Variants in TENM4 observed in about 807,000 individuals in gnomAD.
TENM4 encodes teneurin transmembrane protein 4, also known as teneurin-4.
A neutral mutation model predicts 243.3 loss-of-function variants in TENM4; 82 were observed. The observed-to-expected ratio is 0.34, with a 90% CI of 0.28 to 0.40. TENM4 has a LOEUF of 0.40. Among genes scored for constraint, TENM4 ranks in the 10% least tolerant of loss-of-function variants. The probability of loss-of-function intolerance (pLI) is 1.00; values close to 1 mark genes in which losing one functional copy is unlikely to be tolerated. For synonymous variants in TENM4, 1,412 were observed against 1,456.3 expected, an observed-to-expected ratio of 0.97 and a Z score of 0.69; for missense variants, 3,138 against 3,673.3, an observed-to-expected ratio of 0.85 and a Z score of 3.77.
At chr11:78,823,328 T>C (rs1165082024) in intron 12 of TENM4, among the ~76,000 whole-genome samples, 1 of 152,164 alleles carries the variant, frequency 6.6e-6, no homozygotes, top group African/African-American at 2.4e-5. Flanking sequence ...CCACAGCTGA[T>C]TGGACCCGGC....
At chr11:78,964,164 T>G (rs960418999) in intron 6 of TENM4, among the ~76,000 whole-genome samples, 16 of 151,126 alleles carry the variant, frequency 1.1e-4, no homozygotes, top group Admixed American at 2.6e-4. Flanking sequence ...TGCCTCAGCC[T>G]CCTGAGTAGC....
intron 6 of TENM4, among the ~76,000 whole-genome samples, chr11:78,988,185 A>T (rs1038560043): frequency 1.3e-5 from 2 of 152,226 alleles, no homozygotes; most frequent in African/African-American, 4.8e-5. Flanking sequence ...ACCAGCTGCC[A>T]TGTTGTGAGG....
chr11:78,855,887 T>C (rs1298492629), intron 11 of TENM4, 77 bp downstream of exon 11: 1 of 1,382,386 alleles, frequency 7.2e-7, no homozygotes, highest in Non-Finnish European at 1.0e-6. Flanking sequence ...AGGCTCTGGA[T>C]TGGGCTTCTT....
At chr11:78,727,340 G>A (rs749441684) in intron 22 of TENM4, among the ~76,000 whole-genome samples, 2 of 151,732 alleles carry the variant, frequency 1.3e-5, no homozygotes, top group Non-Finnish European at 1.5e-5. Flanking sequence ...CCAGCTACTC[G>A]GGAGGCTGAG....
At chr11:78,856,602 C>T (rs1203004841) in intron 10 of TENM4, among the ~76,000 whole-genome samples, 1 of 152,036 alleles carries the variant, frequency 6.6e-6, no homozygotes, top group Non-Finnish European at 1.5e-5. Flanking sequence ...TTTTCCAACT[C>T]AGAATGAGTC....
intron 3 of TENM4, among the ~76,000 whole-genome samples, chr11:79,155,190 G>C (rs72935363): frequency 6.6e-6 from 1 of 152,068 alleles, no homozygotes; most frequent in Non-Finnish European, 1.5e-5. Context: ...CCCAGAAGAG[G>C]GACAGATCCG....
chr11:79,240,924 C>G (rs935542537), intron 2 of TENM4, among the ~76,000 whole-genome samples: 4 of 152,108 alleles, frequency 2.6e-5, no homozygotes, highest in Non-Finnish European at 5.9e-5. Context: ...TGTATTGGTG[C>G]AATTTTAAAT....
intron 6 of TENM4, among the ~76,000 whole-genome samples, chr11:78,978,122 A>G (rs1390925249): frequency 6.6e-6 from 1 of 151,950 alleles, no homozygotes; most frequent in Non-Finnish European, 1.5e-5. Context: ...CCAAACACCC[A>G]TATTCTCACT....
In TENM4 at chr11:78,672,340, G is replaced by T. The variant is rs1328618644; in HGVS notation, c.5497-11C>A. The T allele has an allele frequency of 1.2e-6, 2 of 1,602,198 alleles. No homozygotes were observed. The highest frequency in any genetic ancestry group is 8.5e-7 in the Non-Finnish European group (1 of 1,171,164). On this transcript the variant is annotated splice_polypyrimidine_tract_variant and intron_variant, in intron 30 of 33. Transcript: ENST00000278550. ...ATTTCGGTTGTGAACCTGGAGAAAG[G>T]GTTGGAAGGAAAGAGAAAATTAATC...
intron 3 of TENM4, among the ~76,000 whole-genome samples, chr11:79,194,735 A>T (rs1212479624): frequency 6.6e-6 from 1 of 152,244 alleles, no homozygotes; most frequent in Non-Finnish European, 1.5e-5. Flanking sequence ...AACAGAGCAT[A>T]AAAGTTTGGG....
At chr11:79,431,290 T>C (rs7106791) in intron 1 of TENM4, among the ~76,000 whole-genome samples, 59,770 of 152,040 alleles carry the variant, frequency 0.39, 11,988 homozygotes, top group African/African-American at 0.46. Context: ...AAAACACATT[T>C]TCAAAACAAT....
intron 29 of TENM4, among the ~76,000 whole-genome samples, chr11:78,677,600 T>C (rs1590933522): frequency 6.6e-6 from 1 of 151,998 alleles, no homozygotes; most frequent in East Asian, 1.9e-4. Flanking sequence ...GGTAACAATG[T>C]TTTTTATAAC....
intron 2 of TENM4, among the ~76,000 whole-genome samples, chr11:79,291,051 C>A (rs1856347884): frequency 6.6e-6 from 1 of 152,074 alleles, no homozygotes; most frequent in Admixed American, 6.5e-5. Context: ...TTCAGATCTG[C>A]CACTGCAAGA....
intron 3 of TENM4, among the ~76,000 whole-genome samples, chr11:79,198,595 T>C (rs1233355158): frequency 1.3e-5 from 2 of 152,214 alleles, no homozygotes; most frequent in East Asian, 3.8e-4. Context: ...AGGAAACTGG[T>C]GAGTTGGTGG....
At chr11:78,900,007 A>G (rs1356707862) in intron 7 of TENM4, among the ~76,000 whole-genome samples, 1 of 152,186 alleles carries the variant, frequency 6.6e-6, no homozygotes, top group Non-Finnish European at 1.5e-5. Context: ...CCATCCCCCC[A>G]CAAGATGTCA....
At chr11:78,703,189 A>T (rs1215089381) in intron 27 of TENM4, among the ~76,000 whole-genome samples, 1 of 152,154 alleles carries the variant, frequency 6.6e-6, no homozygotes, top group Non-Finnish European at 1.5e-5. Context: ...TTCCTGAGTG[A>T]TCCTGATGTG....
intron 1 of TENM4, among the ~76,000 whole-genome samples, chr11:79,433,481 T>C (rs912895939): frequency 1.3e-5 from 2 of 152,242 alleles, no homozygotes; most frequent in Non-Finnish European, 2.9e-5. Flanking sequence ...GCAACCCTTT[T>C]GTTTGACTTT....
intron 3 of TENM4, among the ~76,000 whole-genome samples, chr11:79,202,280 A>G (rs1189304770): frequency 1.3e-5 from 2 of 152,134 alleles, no homozygotes; most frequent in African/African-American, 4.8e-5. Context: ...GGCTTTACAG[A>G]GCTGCTGTTC....
intron 1 of TENM4, among the ~76,000 whole-genome samples, chr11:79,311,702 G>A (rs1258466935): frequency 6.6e-6 from 1 of 152,044 alleles, no homozygotes; most frequent in Admixed American, 6.6e-5. Flanking sequence ...TGTGTACATG[G>A]TGGCCACCAC....
Sources: allele counts gnomAD v4.1 joint callset (sites outside exome capture counted in the v4.1 genomes callset), GRCh38; gene constraint gnomAD v4.1.1; transcripts MANE v1.5; gene names NCBI Gene and HGNC (gene_info 2026-07-23, HGNC 2026-07-21).